Variants in FAM83B observed in about 807,000 individuals in gnomAD.
The protein encoded by FAM83B is protein FAM83B.
A neutral mutation model predicts 38.8 loss-of-function variants in FAM83B; 26 were observed. The observed-to-expected ratio is 0.67, with a 90% CI of 0.49 to 0.93. FAM83B has a LOEUF of 0.93. FAM83B is among the 40% of genes least tolerant of loss of function. FAM83B has a pLI of 0.00. For missense variants in FAM83B, 1,237 were observed against 1,197.3 expected (o/e 1.03, Z -0.49); for synonymous variants, 419 against 423.1 (o/e 0.99, Z 0.12).
In FAM83B at chr6:54,879,695, G is replaced by A. The variant is rs979287053; in HGVS notation, c.444+9005G>A. ...TGTGAAGGTCCTTTGATCAAACCTTGTGGAAGAGAATAGTGGGAAGTCATG... is the reference window on the plus strand; with the variant it reads ...TGTGAAGGTCCTTTGATCAAACCTTATGGAAGAGAATAGTGGGAAGTCATG... On this transcript the variant is annotated intron_variant, in intron 2 of 4. Coordinates refer to ENST00000306858, the MANE Select transcript of FAM83B (RefSeq NM_001010872.3). 4.6e-5 allele frequency among the ~76,000 whole-genome samples: 7 copies of A among 152,160 alleles called. No individual in the cohort carries two copies. In the South Asian group the frequency reaches 1.2e-3, roughly 27 times the overall value.
At chr6:54,881,834 T>A (rs1224712779) in intron 2 of FAM83B, among the ~76,000 whole-genome samples, 1 of 152,228 alleles carries the variant, frequency 6.6e-6, no homozygotes, top group African/African-American at 2.4e-5. Context: ...TACATATGTA[T>A]ACATGTGCCA....
chr6:54,878,144 T>G (rs1772042427), intron 2 of FAM83B, among the ~76,000 whole-genome samples: 1 of 152,194 alleles, frequency 6.6e-6, no homozygotes, highest in African/African-American at 2.4e-5. Context: ...AAGTTGTCCT[T>G]TGGCCTCTGC....
intron 1 of FAM83B, among the ~76,000 whole-genome samples, chr6:54,868,734 T>C (rs1771774691): frequency 6.6e-6 from 1 of 152,196 alleles, no homozygotes; most frequent in East Asian, 1.9e-4. Context: ...TCTAGTTGTC[T>C]GGGCTTGGAT....
At chr6:54,899,706 A>T (rs1435897354) in intron 2 of FAM83B, among the ~76,000 whole-genome samples, 1 of 152,134 alleles carries the variant, frequency 6.6e-6, no homozygotes, top group African/African-American at 2.4e-5. Context: ...GATTCCATTC[A>T]TGAGGCCTCC....
In FAM83B at chr6:54,870,426, A is replaced by G. The variant is rs372938760; in HGVS notation, c.180A>G (p.Glu60=). ...ERVSDFLAEE[E]INYILKNVQK... ...TTTCAGACTTTCTTGCTGAGGAAGAAATTAATTATATTTTGAAAAATGTCC... is the reference window on the plus strand; with the variant it reads ...TTTCAGACTTTCTTGCTGAGGAAGAGATTAATTATATTTTGAAAAATGTCC... The change falls in exon 2 of 5, where the codon GAA becomes GAG. Residue 60 remains glutamate (E), a synonymous_variant. Transcript: ENST00000306858. The G allele has an allele frequency of 8.7e-6, 14 of 1,613,954 alleles. No individual in the cohort carries two copies. The highest frequency in any genetic ancestry group is 1.6e-4 in the Middle Eastern group (1 of 6,084).
intron 1 of FAM83B, among the ~76,000 whole-genome samples, chr6:54,848,350 C>G (rs772069636): frequency 6.6e-6 from 1 of 152,086 alleles, no homozygotes; most frequent in Non-Finnish European, 1.5e-5. Context: ...CTAGAGCCTG[C>G]CTAAGGGGCT....
At chr6:54,867,120 A>G (rs988557971) in intron 1 of FAM83B, among the ~76,000 whole-genome samples, 1 of 151,238 alleles carries the variant, frequency 6.6e-6, no homozygotes, top group African/African-American at 2.4e-5. Flanking sequence ...TCTACTGTGT[A>G]TGATAAAAGA....
chr6:54,867,086 T>C (rs778892092), intron 1 of FAM83B, among the ~76,000 whole-genome samples: 1 of 149,692 alleles, frequency 6.7e-6, no homozygotes, highest in Non-Finnish European at 1.5e-5. Flanking sequence ...AGTGATATCT[T>C]TTTTTTTTTC....
chr6:54,870,503 C>A lies in FAM83B; in HGVS notation c.257C>A (p.Thr86Asn). Residue 86 changes from threonine (T) to asparagine (N), a missense_variant, in exon 2 of 5, where the codon ACC (threonine) becomes AAC (asparagine). Transcript: ENST00000306858. ...GGTACTGATGATTCCTGTGATGATACCTTATCTTCAGGGACCTACTGGCCT... is the reference window on the plus strand; with the variant it reads ...GGTACTGATGATTCCTGTGATGATAACTTATCTTCAGGGACCTACTGGCCT... ...AHGTDDSCDD[T>N]LSSGTYWPVE... 1 of 1,613,840 alleles carries A rather than the reference C, an allele frequency of 6.2e-7. No homozygotes were observed. Among genetic ancestry groups the A allele is most frequent in the Non-Finnish European group, 8.5e-7 (1 of 1,179,914 alleles).
chr6:54,926,622 A>G, intron 3 of FAM83B, 87 bp downstream of exon 3: 1 of 1,082,972 alleles, frequency 9.2e-7, no homozygotes. Flanking sequence ...GTAGATGAAT[A>G]TAAAACTGAA....
In FAM83B at chr6:54,903,201, T is replaced by C. The variant is rs185879791; in HGVS notation, c.445-23170T>C. Among the ~76,000 whole-genome samples the C allele has an allele frequency of 1.8e-3, 279 of 152,336 alleles. 1 individual carries two copies. The highest frequency in any genetic ancestry group is 3.1e-3 in the Non-Finnish European group (212 of 68,032). On this transcript the variant is annotated intron_variant, in intron 2 of 4. Transcript: ENST00000306858. ...GTGTACCATAATTGGAATGCCTTATTATTTATTGGACATTTAAGTTTCTTA... is the reference window on the plus strand; with the variant it reads ...GTGTACCATAATTGGAATGCCTTATCATTTATTGGACATTTAAGTTTCTTA...
intron 2 of FAM83B, among the ~76,000 whole-genome samples, chr6:54,881,416 G>T (rs1296652326): frequency 3.9e-5 from 6 of 152,016 alleles, no homozygotes; most frequent in Non-Finnish European, 8.8e-5. Flanking sequence ...CCTTTGGGCT[G>T]TATTAATTTC....
chr6:54,849,372 C>T (rs1329956292), intron 1 of FAM83B, among the ~76,000 whole-genome samples: 1 of 151,840 alleles, frequency 6.6e-6, no homozygotes, highest in African/African-American at 2.4e-5. Flanking sequence ...GTGCTGTGGG[C>T]TCCTGAGACA....
chr6:54,934,065 CAG>C (rs1253967152), intron 4 of FAM83B, among the ~76,000 whole-genome samples: 1 of 152,148 alleles, frequency 6.6e-6, no homozygotes, highest in East Asian at 1.9e-4. Flanking sequence ...TAGCATTTCA[CAG>C]AGGTCTTCTG....
At position 54,883,763 on chromosome 6, in the gene FAM83B, G is replaced by GT. The variant is rs200646122; in HGVS notation, c.444+13073_444+13074insT. Among the ~76,000 whole-genome samples, 193 of 144,134 alleles carry GT rather than the reference G, an allele frequency of 1.3e-3. 1 individual carries two copies. The highest frequency in any genetic ancestry group is 0.011 in the East Asian group (56 of 4,928). 94.6% of individuals were successfully genotyped at this position (144,134 alleles called of 152,430 possible). On this transcript the variant is annotated intron_variant, in intron 2 of 4. Coordinates refer to ENST00000306858, the MANE Select transcript of FAM83B (RefSeq NM_001010872.3). ...TAGCTTAGTTGTTCACTCTGATAATGGTTTTTTTTTTTGGATTAACAGGAG... is the reference window on the plus strand; with the variant it reads ...TAGCTTAGTTGTTCACTCTGATAATGTGTTTTTTTTTTTGGATTAACAGGAG...
In FAM83B at chr6:54,940,108, G is replaced by T. The variant is rs867491147; in HGVS notation, c.1137G>T (p.Gln379His). The T allele has an allele frequency of 6.2e-7, 1 of 1,614,016 alleles. No homozygotes were observed. The highest frequency in any genetic ancestry group is 1.3e-5 in the African/African-American group (1 of 75,010). ...CAATACGTCAGTTTCAACCCAATCAGATAAATGAAAATTGGAAAAGGCATA... is the reference window on the plus strand; with the variant it reads ...CAATACGTCAGTTTCAACCCAATCATATAAATGAAAATTGGAAAAGGCATA... ...PNAIRQFQPNQINENWKRHSY... is the reference protein window; with the variant it reads ...PNAIRQFQPNHINENWKRHSY... Residue 379 changes from glutamine (Q) to histidine (H), a missense_variant, in exon 5 of 5, where the codon CAG becomes CAT. By Grantham distance (24) the Gln-to-His change is conservative (BLOSUM62 0). Transcript: ENST00000306858.
chr6:54,884,796 G>A (rs1333596228), intron 2 of FAM83B, among the ~76,000 whole-genome samples: 7 of 147,166 alleles, frequency 4.8e-5, no homozygotes, highest in Admixed American at 2.7e-4. Context: ...TTTTTGAAAC[G>A]GAGTCTAGCT....
intron 1 of FAM83B, among the ~76,000 whole-genome samples, chr6:54,862,922 A>G (rs1771620616): frequency 1.3e-5 from 2 of 151,920 alleles, no homozygotes; most frequent in South Asian, 4.2e-4. Flanking sequence ...TCTTGTTTTC[A>G]TTAATTAAAT....
At chr6:54,858,400 A>G (rs549878188) in intron 1 of FAM83B, among the ~76,000 whole-genome samples, 22 of 152,328 alleles carry the variant, frequency 1.4e-4, no homozygotes, top group African/African-American at 5.3e-4. Flanking sequence ...CTAGATTCAT[A>G]TTTGGATGAC....
Sources: gnomAD v4.1 joint callset for allele counts (sites outside exome capture counted in the v4.1 genomes callset) on GRCh38, gnomAD v4.1.1 for gene constraint, MANE v1.5 for transcripts, NCBI Gene and HGNC (gene_info 2026-07-23, HGNC 2026-07-21) for gene names.